Variants in SCHIP1 observed in about 807,000 individuals in gnomAD.
SCHIP1 encodes schwannomin-interacting protein 1.
Under a neutral mutation model 29.7 loss-of-function variants are expected in SCHIP1, and 8 were observed. The ratio of observed to expected loss-of-function variants is 0.27; its 90% CI spans 0.16 to 0.49. SCHIP1 has a LOEUF of 0.49. SCHIP1 is among the 20% of genes least tolerant of loss of function. The pLI, the probability that SCHIP1 is intolerant of heterozygous loss-of-function variation, is 0.99. For synonymous variants in SCHIP1, 76 were observed against 94.9 expected, an observed-to-expected ratio of 0.80 and a Z score of 1.16; for missense variants, 193 against 294.6, an observed-to-expected ratio of 0.66 and a Z score of 2.52.
the SCHIP1 span, among the ~76,000 whole-genome samples, chr3:159,440,040 T>C: frequency 6.6e-6 from 1 of 152,172 alleles, no homozygotes; most frequent in African/African-American, 2.4e-5. Context: ...TTTTGGGTTT[T>C]ACATTTAAGA....
At chr3:159,414,552 T>C in the SCHIP1 span, among the ~76,000 whole-genome samples, 5 of 152,206 alleles carry the variant, frequency 3.3e-5, no homozygotes, top group Non-Finnish European at 7.3e-5. Context: ...TGGCTGTTCA[T>C]ATGTAACCTT....
chr3:159,492,689 C>G, the SCHIP1 span, among the ~76,000 whole-genome samples: 1 of 152,144 alleles, frequency 6.6e-6, no homozygotes, highest in East Asian at 1.9e-4. Context: ...AGGATATTAT[C>G]CAGGAGAACT....
chr3:159,665,687 C>T, the SCHIP1 span, among the ~76,000 whole-genome samples: 2 of 152,178 alleles, frequency 1.3e-5, no homozygotes, highest in Non-Finnish European at 2.9e-5. Context: ...ACAGCCCACA[C>T]ATGCAAGCAC....
the SCHIP1 span, among the ~76,000 whole-genome samples, chr3:159,617,266 T>C: frequency 1.3e-5 from 2 of 152,226 alleles, no homozygotes; most frequent in Non-Finnish European, 2.9e-5. Context: ...GTTTTGAATT[T>C]AAAGACCTCA....
chr3:159,717,022 A>G, the SCHIP1 span, among the ~76,000 whole-genome samples: 6 of 152,232 alleles, frequency 3.9e-5, no homozygotes, highest in Non-Finnish European at 5.9e-5. Context: ...AAGAACAGAA[A>G]TTATAACAAA....
chr3:159,731,369 C>A, the SCHIP1 span, among the ~76,000 whole-genome samples: 2 of 152,218 alleles, frequency 1.3e-5, no homozygotes, highest in Admixed American at 1.3e-4. Context: ...AGCACATCCT[C>A]GTCCCTGCCA....
At chr3:159,858,578 C>T (rs1351808427) in intron 1 of SCHIP1, among the ~76,000 whole-genome samples, 1 of 152,172 alleles carries the variant, frequency 6.6e-6, no homozygotes, top group Non-Finnish European at 1.5e-5. Context: ...CTAGGCAAAA[C>T]CATCCTCACA....
At chr3:159,758,664 T>A in the SCHIP1 span, among the ~76,000 whole-genome samples, 3 of 152,250 alleles carry the variant, frequency 2.0e-5, no homozygotes, top group Non-Finnish European at 4.4e-5. Context: ...TTGCAGAGAT[T>A]CTGTGTACTG....
chr3:159,402,314 C>A, the SCHIP1 span, among the ~76,000 whole-genome samples: 2 of 152,154 alleles, frequency 1.3e-5, no homozygotes, highest in Non-Finnish European at 2.9e-5. Context: ...GAAATAGGAA[C>A]ACTTTTACAG....
At chr3:159,505,334 A>C in the SCHIP1 span, among the ~76,000 whole-genome samples, 1 of 152,206 alleles carries the variant, frequency 6.6e-6, no homozygotes, top group Non-Finnish European at 1.5e-5. Context: ...TTTCCAAATA[A>C]TTTGGAAAGA....
At chr3:159,439,515 C>T in the SCHIP1 span, among the ~76,000 whole-genome samples, 1 of 152,122 alleles carries the variant, frequency 6.6e-6, no homozygotes, top group African/African-American at 2.4e-5. Flanking sequence ...TCTTCCTTGA[C>T]ACATGAGGAT....
At chr3:159,398,105 C>A in the SCHIP1 span, among the ~76,000 whole-genome samples, 2 of 152,178 alleles carry the variant, frequency 1.3e-5, no homozygotes, top group South Asian at 2.1e-4. Context: ...CCATCTGTCA[C>A]CCCTTTCTTT....
chr3:159,879,690 A>G (rs1334075018), intron 2 of SCHIP1, among the ~76,000 whole-genome samples: 11 of 152,162 alleles, frequency 7.2e-5, no homozygotes, highest in Admixed American at 3.9e-4. Context: ...CATTTTCCCA[A>G]CATTAAGATC....
chr3:159,488,203 G>A, the SCHIP1 span, among the ~76,000 whole-genome samples: 1 of 152,112 alleles, frequency 6.6e-6, no homozygotes, highest in South Asian at 2.1e-4. Context: ...TAGTGGTGGG[G>A]CAGGAGTGGG....
the SCHIP1 span, among the ~76,000 whole-genome samples, chr3:159,317,751 C>A: frequency 6.6e-6 from 1 of 152,160 alleles, no homozygotes; most frequent in Non-Finnish European, 1.5e-5. Context: ...TGGTCAGAGA[C>A]AATGCTGTGT....
At chr3:159,824,135 A>G in the SCHIP1 span, among the ~76,000 whole-genome samples, 1 of 152,232 alleles carries the variant, frequency 6.6e-6, no homozygotes, top group African/African-American at 2.4e-5. Flanking sequence ...TCTTTCAGAA[A>G]GATTCTTCAT....
chr3:159,701,612 T>C, the SCHIP1 span, among the ~76,000 whole-genome samples: 2 of 152,208 alleles, frequency 1.3e-5, no homozygotes, highest in African/African-American at 4.8e-5. Flanking sequence ...ACTGGTTCTA[T>C]ATATTTTCTA....
At chr3:159,844,699 G>A (rs1362614075) in intron 1 of SCHIP1, among the ~76,000 whole-genome samples, 2 of 152,212 alleles carry the variant, frequency 1.3e-5, no homozygotes, top group South Asian at 2.1e-4. Flanking sequence ...AGTTTAGGTC[G>A]AAGGGTCCAT....
At chr3:159,772,301 C>T in the SCHIP1 span, among the ~76,000 whole-genome samples, 2 of 152,198 alleles carry the variant, frequency 1.3e-5, no homozygotes, top group Non-Finnish European at 2.9e-5. Flanking sequence ...CTACAGGTGC[C>T]CACCACCATG....
Sources: allele counts gnomAD v4.1 joint callset (sites outside exome capture counted in the v4.1 genomes callset), GRCh38; gene constraint gnomAD v4.1.1; transcripts MANE v1.5; gene names NCBI Gene and HGNC (gene_info 2026-07-23, HGNC 2026-07-21).